SLC30A8: variants seen among roughly 807,000 people sequenced by gnomAD.
SLC30A8 encodes the protein solute carrier family 30 member 8, also known as proton-coupled zinc antiporter SLC30A8.
A neutral mutation model predicts 36.9 loss-of-function variants in SLC30A8; 27 were observed. The observed-to-expected ratio is 0.73, with a 90% CI of 0.54 to 1.01. The LOEUF is 1.01. Ranked by LOEUF, SLC30A8 falls within the 50% of genes least tolerant of loss-of-function variation. The probability of loss-of-function intolerance (pLI) is 0.00; values close to 1 mark genes in which losing one functional copy is unlikely to be tolerated. For synonymous variants in SLC30A8, 164 were observed against 172.4 expected (o/e 0.95, Z 0.38); for missense variants, 439 against 452.0 (o/e 0.97, Z 0.26).
intron 2 of SLC30A8, chr8:117,128,474 TG>T (rs1255033772): frequency 6.6e-6 from 1 of 152,094 alleles, no homozygotes; most frequent in Admixed American, 6.5e-5. Flanking sequence ...CGTCTGTGTG[TG>T]TGCTCATAAA....
chr8:117,129,855 G>A (rs1363507290), intron 2 of SLC30A8: 5 of 151,924 alleles, frequency 3.3e-5, no homozygotes, highest in African/African-American at 1.2e-4. Flanking sequence ...TTTCAATAAT[G>A]TTTTGTGTTT....
chr8:117,067,424 C>T (rs777445401), intron 2 of SLC30A8, among the ~76,000 whole-genome samples: 11 of 151,822 alleles, frequency 7.2e-5, no homozygotes, highest in Non-Finnish European at 1.2e-4. Context: ...TTGTTTCAAT[C>T]TCTGTGGCCA....
chr8:117,092,029 G>A (rs909530011), intron 2 of SLC30A8, among the ~76,000 whole-genome samples: 1 of 152,140 alleles, frequency 6.6e-6, no homozygotes, highest in East Asian at 1.9e-4. Flanking sequence ...TGATGACATA[G>A]AAGGAATGGG....
chr8:117,034,103 A>T (rs1449188153), intron 1 of SLC30A8, among the ~76,000 whole-genome samples: 4 of 152,206 alleles, frequency 2.6e-5, no homozygotes, highest in Non-Finnish European at 5.9e-5. Context: ...ATAGGAGGAG[A>T]ATAAACAATG....
chr8:116,950,489 AT>A (rs1305976304), upstream of SLC30A8: 1 of 152,196 alleles, frequency 6.6e-6, no homozygotes, highest in Non-Finnish European at 1.5e-5. Context: ...CAGAGAAGCC[AT>A]TTTGTTTTTT....
At chr8:117,002,285 T>G (rs1586383653) in intron 1 of SLC30A8, among the ~76,000 whole-genome samples, 1 of 152,220 alleles carries the variant, frequency 6.6e-6, no homozygotes, top group Non-Finnish European at 1.5e-5. Context: ...GCAAGAGAGA[T>G]AAGATATATA....
chr8:117,009,053 T>A (rs1247293651), intron 1 of SLC30A8, among the ~76,000 whole-genome samples: 1 of 152,220 alleles, frequency 6.6e-6, no homozygotes, highest in African/African-American at 2.4e-5. Context: ...CAAATAACTC[T>A]TCTACCAATG....
At chr8:116,998,233 A>C (rs1047250604) in intron 1 of SLC30A8, among the ~76,000 whole-genome samples, 6 of 152,212 alleles carry the variant, frequency 3.9e-5, no homozygotes, top group Non-Finnish European at 7.3e-5. Flanking sequence ...CATCTTCAAA[A>C]ACTGGAAATG....
At chr8:117,097,410 A>ATATATATATAT in intron 2 of SLC30A8, among the ~76,000 whole-genome samples, 1 of 122,716 alleles carries the variant, frequency 8.1e-6, no homozygotes, top group Admixed American at 1.0e-4. Flanking sequence ...AAAAAAAAAA[A>ATATATATATAT]AAAAAAAAAT....
chr8:116,990,415 C>T (rs1371949825), intron 1 of SLC30A8, among the ~76,000 whole-genome samples: 2 of 152,228 alleles, frequency 1.3e-5, no homozygotes, highest in East Asian at 1.9e-4. Context: ...ATGTACTTTC[C>T]GATATCATGT....
rs530680056 is a variant in SLC30A8, at chr8:117,045,726, C to T, written c.-226+6468C>T. 1.2e-3 allele frequency among the ~76,000 whole-genome samples: 190 copies of T among 152,288 alleles called. 1 individual carries two copies. Among genetic ancestry groups the T allele is most frequent in the African/African-American group, 4.3e-3 (179 of 41,556 alleles). ...GCTCGCAGCAGCAGTCCTTTCAAAG[C>T]GTGGCCAGTGCAGAGCTGTGAGGCT... On this transcript the variant is annotated intron_variant, in intron 2 of 10. Transcript: ENST00000427715.
At chr8:117,064,840 G>A (rs1818122019) in intron 2 of SLC30A8, among the ~76,000 whole-genome samples, 1 of 152,164 alleles carries the variant, frequency 6.6e-6, no homozygotes, top group Admixed American at 6.5e-5. Flanking sequence ...TGTGAGGGCG[G>A]GAAATTTATC....
At chr8:117,034,892 A>G (rs964896354) in intron 1 of SLC30A8, among the ~76,000 whole-genome samples, 6 of 152,132 alleles carry the variant, frequency 3.9e-5, no homozygotes, top group African/African-American at 1.4e-4. Flanking sequence ...AGAAAGAGAG[A>G]GAGAGTAGGA....
chr8:117,020,936 G>T (rs780530997), intron 1 of SLC30A8, among the ~76,000 whole-genome samples: 7 of 152,222 alleles, frequency 4.6e-5, no homozygotes, highest in Non-Finnish European at 1.0e-4. Context: ...AGTGGTATTC[G>T]TCGGAATGGA....
chr8:117,151,270 G>C (rs1009574400), intron 2 of SLC30A8, among the ~76,000 whole-genome samples: 2 of 152,156 alleles, frequency 1.3e-5, no homozygotes, highest in African/African-American at 4.8e-5. Flanking sequence ...GGTACAGTGA[G>C]TGTTAAACAA....
At chr8:116,959,980 A>G (rs12335141) in intron 1 of SLC30A8, among the ~76,000 whole-genome samples, 2,224 of 152,284 alleles carry the variant, frequency 0.015, 61 homozygotes, top group African/African-American at 0.051. Context: ...TCTCAACTCT[A>G]TCTCTTCAAC....
rs569018711 is a variant in SLC30A8, at chr8:117,049,171, C to A, written c.-226+9913C>A. Among the ~76,000 whole-genome samples, 8 of 152,194 alleles carry A rather than the reference C, an allele frequency of 5.3e-5. No homozygotes were observed. The South Asian group carries it at 1.5e-3, about 28-fold the overall frequency. ...TTTGGGGGTATGCAGGACTTTGTGT[C>A]CCTCAAGTTAAAATGTAGAGAGCTA... On this transcript the variant is annotated intron_variant, in intron 2 of 10. Coordinates refer to the SLC30A8 transcript ENST00000427715.
chr8:116,958,346 T>A (rs1814292541), intron 1 of SLC30A8, among the ~76,000 whole-genome samples: 1 of 152,208 alleles, frequency 6.6e-6, no homozygotes, highest in African/African-American at 2.4e-5. Flanking sequence ...TTAACATTTT[T>A]TTTTTTTGTA....
intron 2 of SLC30A8, among the ~76,000 whole-genome samples, chr8:117,044,336 C>T (rs2130761711): frequency 6.6e-6 from 1 of 152,274 alleles, no homozygotes; most frequent in South Asian, 2.1e-4. Flanking sequence ...ACATTGGAGG[C>T]TGTTTGTCCT....
Sources: allele counts gnomAD v4.1 joint callset (sites outside exome capture counted in the v4.1 genomes callset), GRCh38; gene constraint gnomAD v4.1.1; transcripts MANE v1.5; gene names NCBI Gene and HGNC (gene_info 2026-07-23, HGNC 2026-07-21).